Variants in MAP3K2 observed in about 807,000 individuals in gnomAD.
MAP3K2 encodes the protein mitogen-activated protein kinase kinase kinase 2.
MAP3K2 carries 24 observed loss-of-function variants against 80.3 expected under a neutral mutation model. That is an observed-to-expected ratio of 0.30 (90% CI 0.22 to 0.42). The LOEUF (loss-of-function observed/expected upper bound fraction) is 0.42. Among genes scored for constraint, MAP3K2 ranks in the 10% least tolerant of loss-of-function variants. MAP3K2 has a pLI of 1.00. For missense variants in MAP3K2, 608 were observed against 750.1 expected (o/e 0.81, Z 2.21); for synonymous variants, 244 against 253.7 (o/e 0.96, Z 0.36).
At position 127,321,201 on chromosome 2, in the gene MAP3K2, T is replaced by C. The variant is rs1686014421; in HGVS notation, c.1045+845A>G. On this transcript the variant is annotated intron_variant, in intron 12 of 16. Transcript: ENST00000682094. The surrounding 1 kb of genome is among the most constrained non-coding windows in gnomAD (Gnocchi z 4.4). ...GCCTATATTACAAGAAAGGTTAAAA[T>C]GCAGTTTTTCAGGCAGAAGGAATTT... is the stretch of plus-strand genomic sequence containing the variant. Among the ~76,000 whole-genome samples the C allele has an allele frequency of 6.6e-6, 1 of 152,190 alleles. No homozygotes were observed. Among genetic ancestry groups the C allele is most frequent in the African/African-American group, 2.4e-5 (1 of 41,450 alleles).
At chr2:127,384,756 C>T (rs1407906089) in intron 1 of MAP3K2, among the ~76,000 whole-genome samples, 4 of 152,130 alleles carry the variant, frequency 2.6e-5, no homozygotes, top group African/African-American at 7.2e-5. Context: ...CTCCCCTCCC[C>T]GGCTCAAGCA....
chr2:127,318,266 G>C lies in MAP3K2; in HGVS notation c.1097C>G (p.Ala366Gly), dbSNP rs748995143. The C allele has an allele frequency of 1.3e-5, 21 of 1,608,876 alleles. No homozygotes were observed. Among genetic ancestry groups the C allele is most frequent in the Admixed American group, 3.4e-5 (2 of 59,028 alleles). Residue 366 changes from alanine (A) to glycine (G), a missense_variant, in exon 13 of 17, where the codon GCC becomes GGC. By Grantham distance (60) the Ala-to-Gly change is moderately conservative. Transcript: ENST00000682094. ...WRLGKLLGQGAFGRVYLCYDV... is the reference protein window; with the variant it reads ...WRLGKLLGQGGFGRVYLCYDV... ...ATAACAGAGGTAGACCCTTCCAAAG[G>C]CTCCTTGGCCAAGCAGTTTGCCCAA...
chr2:127,380,441 C>T (rs185400752), intron 1 of MAP3K2, among the ~76,000 whole-genome samples: 102 of 152,252 alleles, frequency 6.7e-4, no homozygotes, highest in Non-Finnish European at 1.1e-3. Flanking sequence ...GGAAAAAATT[C>T]CAAAGTTTAT....
chr2:127,350,474 A>G (rs1454535134), intron 1 of MAP3K2, among the ~76,000 whole-genome samples: 3 of 148,300 alleles, frequency 2.0e-5, no homozygotes, highest in Non-Finnish European at 3.0e-5. Context: ...AAAAAAAAGA[A>G]AGAAGAAAAC....
Position 127,302,607 on chromosome 2 carries a change from T to C in MAP3K2, c.*4972A>G, listed in dbSNP as rs1685619575. On this transcript the variant is annotated 3_prime_UTR_variant, in exon 17 of 17. Coordinates refer to ENST00000682094, the MANE Select transcript of MAP3K2 (RefSeq NM_001371910.2). The stretch of plus-strand genomic sequence containing the variant: ...ATTTCCTACTCACTGTCCTATCTCA[T>C]TGCCTTAACATTTGTAAACCATGTG... The C allele has an allele frequency of 6.6e-6, 1 of 152,174 alleles. No individual in the cohort carries two copies. Among genetic ancestry groups the C allele is most frequent in the Admixed American group, 6.5e-5 (1 of 15,272 alleles). 9.4% of individuals were successfully genotyped at this position (152,174 alleles called of 1,614,324 possible).
intron 1 of MAP3K2, among the ~76,000 whole-genome samples, chr2:127,360,050 G>A (rs1197387360): frequency 1.3e-5 from 2 of 152,158 alleles, no homozygotes; most frequent in African/African-American, 4.8e-5. Context: ...ATGTCCACAT[G>A]AATATACTTG....
At chr2:127,319,141 A>G (rs1685964010) in intron 12 of MAP3K2, among the ~76,000 whole-genome samples, 1 of 151,922 alleles carries the variant, frequency 6.6e-6, no homozygotes, top group African/African-American at 2.4e-5. Context: ...CTTTTCCCCT[A>G]AGAAACGAGA....
intron 1 of MAP3K2, among the ~76,000 whole-genome samples, chr2:127,361,268 ACACCACTG>A (rs1327551675): frequency 2.0e-5 from 3 of 148,070 alleles, no homozygotes; most frequent in Non-Finnish European, 4.5e-5. Context: ...GGTGAAGATC[ACACCACTG>A]CACTCCAGCC....
intron 12 of MAP3K2, among the ~76,000 whole-genome samples, chr2:127,320,443 G>C (rs910969608): frequency 4.6e-5 from 7 of 152,068 alleles, no homozygotes; most frequent in African/African-American, 1.7e-4. Flanking sequence ...GAGGGAGACA[G>C]GGAGAAAGGG....
chr2:127,341,147 G>A (rs1047107156), intron 2 of MAP3K2, among the ~76,000 whole-genome samples: 1 of 151,510 alleles, frequency 6.6e-6, no homozygotes, highest in African/African-American at 2.4e-5. Context: ...CCCCCACCAC[G>A]CCTGGCTAAT....
In MAP3K2 at chr2:127,387,540, A is replaced by T; in HGVS notation, c.-154T>A. On this transcript the variant is annotated 5_prime_UTR_variant, in exon 1 of 17. Transcript: ENST00000682094. ...CCCCTCCGCCCCAGCGCGGCCTGTCACCGCGGCCCCAGGTCGGGGGCTGCC... is the reference window on the plus strand; with the variant it reads ...CCCCTCCGCCCCAGCGCGGCCTGTCTCCGCGGCCCCAGGTCGGGGGCTGCC... 4 of 984,500 alleles carry T rather than the reference A, an allele frequency of 4.1e-6. No homozygotes were observed. The highest frequency in any genetic ancestry group is 4.8e-6 in the Non-Finnish European group (4 of 829,566). The allele number at this position is 984,500 out of a possible 1,614,324, so 61.0% of individuals were successfully genotyped here.
At position 127,307,382 on chromosome 2, in the gene MAP3K2, G is replaced by GA; in HGVS notation, c.*196dup. 5.6e-6 allele frequency: 2 copies of GA among 358,232 alleles called. No individual in the cohort carries two copies. Among genetic ancestry groups the GA allele is most frequent in the Non-Finnish European group, 9.8e-6 (2 of 203,108 alleles). 22.2% of individuals were successfully genotyped at this position (358,232 alleles called of 1,614,324 possible). On this transcript the variant is annotated 3_prime_UTR_variant, in exon 17 of 17. Coordinates refer to ENST00000682094, the MANE Select transcript of MAP3K2 (RefSeq NM_001371910.2). The surrounding 1 kb of genome is among the most constrained non-coding windows in gnomAD (Gnocchi z 5.4). The stretch of plus-strand genomic sequence containing the variant: ...AAAAAAACTTCAAGTTCTTGTAAGG[G>GA]AAAAAAAGATTAAATATAAAAAATT...
intron 1 of MAP3K2, among the ~76,000 whole-genome samples, chr2:127,379,149 T>C (rs186908903): frequency 6.6e-6 from 1 of 152,208 alleles, no homozygotes; most frequent in Non-Finnish European, 1.5e-5. Flanking sequence ...AAAATAAACA[T>C]TTAAGGTAGA....
At chr2:127,314,971 G>C in intron 14 of MAP3K2, 88 bp from the exon 15 acceptor site, 1 of 903,396 alleles carries the variant, frequency 1.1e-6, no homozygotes, top group South Asian at 1.6e-5. Flanking sequence ...AAGAGGGCAG[G>C]AATTCTCATC....
chr2:127,352,850 C>T (rs1304221738), intron 1 of MAP3K2, among the ~76,000 whole-genome samples: 3 of 152,144 alleles, frequency 2.0e-5, no homozygotes, highest in Non-Finnish European at 4.4e-5. Context: ...AGGTGCGCGC[C>T]GCCATGCCTG....
At chr2:127,388,177 C>A (rs934316490), upstream of MAP3K2, 6 of 984,916 alleles carry the variant, frequency 6.1e-6, no homozygotes, top group East Asian at 4.6e-4. Flanking sequence ...GGCTCCGCCC[C>A]GGCCTCGGCC....
intron 1 of MAP3K2, among the ~76,000 whole-genome samples, chr2:127,372,267 C>T (rs1303098345): frequency 1.3e-5 from 2 of 152,174 alleles, no homozygotes; most frequent in African/African-American, 4.8e-5. Context: ...GGATCAAAGA[C>T]AGCTCTGTTA....
chr2:127,387,485 C>A lies in MAP3K2; in HGVS notation c.-99G>T, dbSNP rs1288379176. On this transcript the variant is annotated 5_prime_UTR_variant, in exon 1 of 17. Coordinates refer to ENST00000682094, the MANE Select transcript of MAP3K2 (RefSeq NM_001371910.2). Reference sequence around the variant, plus strand: ...CCGCAGGGACGTAGAGAGCCGCAGGCCCAAGGAGGGGCCGCCCCCGCCGAG... The same window carrying A: ...CCGCAGGGACGTAGAGAGCCGCAGGACCAAGGAGGGGCCGCCCCCGCCGAG... The A allele has an allele frequency of 2.0e-6, 2 of 985,170 alleles. No homozygotes were observed. Among genetic ancestry groups the A allele is most frequent in the East Asian group, 1.1e-4 (1 of 8,778 alleles). 61.0% of individuals were successfully genotyped at this position (985,170 alleles called of 1,614,324 possible).
rs537502096 is a variant in MAP3K2 at position 127,356,776 on chromosome 2, C to T, written c.-65-13582G>A. ...TGTAAGATGTGAAATTATGAAATTA[C>T]GAAAAGAAAACTAGGGAAAACTCTT... is the stretch of plus-strand genomic sequence containing the variant. On this transcript the variant is annotated intron_variant, in intron 1 of 16. Coordinates refer to ENST00000682094, the MANE Select transcript of MAP3K2 (RefSeq NM_001371910.2). 2.1e-4 allele frequency among the ~76,000 whole-genome samples: 32 copies of T among 152,218 alleles called. No homozygotes were observed. The South Asian group carries it at 3.5e-3, about 17-fold the overall frequency.
Sources: allele counts gnomAD v4.1 joint callset (sites outside exome capture counted in the v4.1 genomes callset), GRCh38; gene constraint gnomAD v4.1.1; non-coding constraint Gnocchi (gnomAD v3.1); transcripts MANE v1.5; gene names NCBI Gene and HGNC (gene_info 2026-07-23, HGNC 2026-07-21).